SPTA1: variants seen among roughly 807,000 people sequenced by gnomAD.
The protein encoded by SPTA1 is spectrin alpha chain, erythrocytic 1.
In SPTA1, 177 loss-of-function variants were observed where a neutral mutation model predicts 324.7. The observed-to-expected ratio is 0.55, with a 90% CI of 0.48 to 0.62. The LOEUF (loss-of-function observed/expected upper bound fraction) is 0.62, where lower values mean the gene tolerates loss of function less well. SPTA1 is among the 20% of genes least tolerant of loss of function. SPTA1 has a pLI of 0.00. For synonymous variants in SPTA1, 1,195 were observed against 1,041.3 expected (o/e 1.15, Z -2.84); for missense variants, 3,162 against 2,883.6 (o/e 1.10, Z -2.21).
chr1:158,658,503 C>T (rs1652986334), intron 18 of SPTA1, among the ~76,000 whole-genome samples: 2 of 152,058 alleles, frequency 1.3e-5, no homozygotes, highest in African/African-American at 2.4e-5. Context: ...AACATTCCAC[C>T]CATCAAAGTG....
At chr1:158,662,672 A>G in intron 17 of SPTA1, 30 bp downstream of exon 17, 2 of 1,613,086 alleles carry the variant, frequency 1.2e-6, no homozygotes, top group Non-Finnish European at 1.7e-6. Flanking sequence ...GTCCTTTCCT[A>G]GTGGCTCAGC....
chr1:158,680,114 G>T (rs55836330), intron 5 of SPTA1, among the ~76,000 whole-genome samples: 6,070 of 151,830 alleles, frequency 0.04, 399 homozygotes, highest in African/African-American at 0.14. Flanking sequence ...AAGTAAAACC[G>T]CTTCCTTTCC....
At chr1:158,650,927 T>C (rs563611469) in intron 24 of SPTA1, among the ~76,000 whole-genome samples, 65 of 152,278 alleles carry the variant, frequency 4.3e-4, no homozygotes, top group African/African-American at 1.6e-3. Flanking sequence ...GAAACTGAGG[T>C]TTTTAGAAAT....
intron 43 of SPTA1, chr1:158,620,840 G>GAAAAAAAAAAAAA (rs200959019): frequency 2.2e-5 from 2 of 89,506 alleles, no homozygotes; most frequent in African/African-American, 4.5e-5. Context: ...TAGTAAACAT[G>GAAAAAAAAAAAAA]AAAAAAAAAA....
Position 158,657,625 on chromosome 1 carries a change from G to A in SPTA1, c.2657C>T (p.Ala886Val), listed in dbSNP as rs2101878672. 3 of 1,614,096 alleles carry A rather than the reference G, an allele frequency of 1.9e-6. No homozygotes were observed. The highest frequency in any genetic ancestry group is 2.5e-6 in the Non-Finnish European group (3 of 1,180,006). The change falls in exon 19 of 52, where the codon GCT becomes GTT. Residue 886 changes from alanine to valine, a missense_variant. By Grantham distance (64) the Ala-to-Val change is moderately conservative. Coordinates refer to ENST00000643759, the MANE Select transcript of SPTA1 (RefSeq NM_003126.4). Reference protein sequence around the residue: ...SLNQNMESLRARAARRQNDLE... With the variant: ...SLNQNMESLRVRAARRQNDLE... Reference sequence around the variant, plus strand: ...ATCATTTTGTCGCCTAGCAGCTCGAGCACGGAGAGACTCCATATTCTGGTT... The same window carrying A: ...ATCATTTTGTCGCCTAGCAGCTCGAACACGGAGAGACTCCATATTCTGGTT...
intron 23 of SPTA1, among the ~76,000 whole-genome samples, chr1:158,651,905 C>CTGTG (rs1268109314): frequency 6.8e-5 from 10 of 147,834 alleles, no homozygotes; most frequent in African/African-American, 2.4e-4. Flanking sequence ...CTCTCTCTCT[C>CTGTG]TCTCTGTGTG....
Position 158,673,965 on chromosome 1 carries a change from T to A in SPTA1, c.1350+364A>T, listed in dbSNP as rs116054915. ...ACTGAGCATGTACAGACTTTTTGCTTATTCCCTAAATAATACGGTATAACA... is the reference window on the plus strand; with the variant it reads ...ACTGAGCATGTACAGACTTTTTGCTAATTCCCTAAATAATACGGTATAACA... On this transcript the variant is annotated intron_variant, in intron 10 of 51. Transcript: ENST00000643759. Among the ~76,000 whole-genome samples, 1,001 of 152,338 alleles carry A rather than the reference T, an allele frequency of 6.6e-3. 10 individuals carry two copies. The highest frequency in any genetic ancestry group is 0.023 in the African/African-American group (967 of 41,568).
intron 33 of SPTA1, 78 bp downstream of exon 33, chr1:158,642,333 A>C (rs887807098): frequency 1.8e-5 from 26 of 1,450,648 alleles, no homozygotes; most frequent in Non-Finnish European, 2.4e-5. Context: ...AAAAAAATAC[A>C]ATAAATTAAA....
chr1:158,662,522 G>A (rs1401732685), intron 17 of SPTA1, among the ~76,000 whole-genome samples, 180 bp downstream of exon 17: 1 of 152,144 alleles, frequency 6.6e-6, no homozygotes, highest in Non-Finnish European at 1.5e-5. Flanking sequence ...TTTAGGAGGT[G>A]TAATTTTTTA....
intron 23 of SPTA1, among the ~76,000 whole-genome samples, chr1:158,652,080 C>G (rs985829688): frequency 2.6e-5 from 4 of 152,234 alleles, no homozygotes; most frequent in Admixed American, 2.6e-4. Flanking sequence ...AATTGTTTGT[C>G]AAGTCAGGTT....
intron 17 of SPTA1, among the ~76,000 whole-genome samples, chr1:158,661,640 A>T (rs57663290): frequency 0.088 from 13,370 of 152,242 alleles, 1,945 homozygotes; most frequent in African/African-American, 0.3. Context: ...ACAGATAATG[A>T]AAACATCACT....
At chr1:158,616,411 T>A (rs922738579) in intron 47 of SPTA1, among the ~76,000 whole-genome samples, 9 of 152,030 alleles carry the variant, frequency 5.9e-5, no homozygotes, top group African/African-American at 2.2e-4. Context: ...TATCTCCCCC[T>A]ACCATTCCTA....
intron 37 of SPTA1, 128 bp downstream of exon 37, chr1:158,636,513 C>T (rs1052254189): frequency 2.8e-6 from 3 of 1,087,296 alleles, no homozygotes; most frequent in Non-Finnish European, 4.1e-6. Context: ...TTTGTAAACT[C>T]TTTGACTAAC....
chr1:158,648,736 C>A, intron 25 of SPTA1, 83 bp from the exon 26 acceptor site: 1 of 1,459,712 alleles, frequency 6.9e-7, no homozygotes, highest in Non-Finnish European at 9.4e-7. Flanking sequence ...AAGTTATCAT[C>A]ACTACCACTC....
At chr1:158,613,007 A>G in intron 50 of SPTA1, 46 bp from the exon 51 acceptor site, 2 of 1,605,022 alleles carry the variant, frequency 1.2e-6, no homozygotes, top group African/African-American at 1.3e-5. Flanking sequence ...AAGGCAGAGA[A>G]GGAAGTCCCC....
intron 20 of SPTA1, 68 bp downstream of exon 20, chr1:158,656,496 C>A (rs949508609): frequency 9.1e-6 from 13 of 1,424,896 alleles, no homozygotes; most frequent in African/African-American, 1.4e-5. Context: ...AAAAAATCAG[C>A]AATAAAGACA....
intron 39 of SPTA1, among the ~76,000 whole-genome samples, chr1:158,630,689 GA>G (rs1407273046): frequency 2.0e-5 from 3 of 151,908 alleles, no homozygotes; most frequent in Non-Finnish European, 4.4e-5. Flanking sequence ...ACAATCAACA[GA>G]GTGAAAAGGC....
In SPTA1 at chr1:158,676,152, C is replaced by T. The variant is rs1306236157; in HGVS notation, c.1101G>A (p.Gln367=). The T allele has an allele frequency of 1.2e-6, 2 of 1,613,616 alleles. No individual in the cohort carries two copies. The highest frequency in any genetic ancestry group is 1.7e-5 in the Admixed American group (1 of 59,992). ...ALATSRYEKL[Q]ATYWYHRFSS... is the part of the protein sequence containing the mutation. ...GAGGGATTTCCCACCAATAAGTAGC[C>T]TGCAGTTTTTCATATCTGCTGGTGG... The change falls in exon 8 of 52, where the codon CAG becomes CAA. Residue 367 remains glutamine, a synonymous_variant. Transcript: ENST00000643759.
intron 38 of SPTA1, 21 bp downstream of exon 38, chr1:158,635,892 G>T: frequency 6.2e-7 from 1 of 1,614,074 alleles, no homozygotes. Context: ...AAGGGAACTG[G>T]GCCTTCTGTA....
Sources: gnomAD v4.1 joint callset for allele counts (sites outside exome capture counted in the v4.1 genomes callset) on GRCh38, gnomAD v4.1.1 for gene constraint, MANE v1.5 for transcripts, NCBI Gene and HGNC (gene_info 2026-07-23, HGNC 2026-07-21) for gene names.